Variants in RPS29 observed in about 807,000 individuals in gnomAD.
RPS29 encodes the protein ribosomal protein S29, also known as small ribosomal subunit protein uS14.
For missense variants in RPS29, 60 were observed against 75.7 expected (o/e 0.79, Z 0.77); for synonymous variants, 37 against 26.9 (o/e 1.37, Z -1.16).
downstream of RPS29, among the ~76,000 whole-genome samples, chr14:49,582,012 C>CAAAAAAA (rs58507206): frequency 2.3e-3 from 244 of 106,388 alleles, 3 homozygotes; most frequent in African/African-American, 4.6e-3. Context: ...CCCTGCCCCC[C>CAAAAAAA]AAAAAAAAAA....
downstream of RPS29, among the ~76,000 whole-genome samples, chr14:49,580,889 GA>G (rs538812182): frequency 9.4e-3 from 1,033 of 110,294 alleles, 7 homozygotes; most frequent in Middle Eastern, 0.068. Flanking sequence ...CGTCTCAAAA[GA>G]AAAAAAAAAA....
chr14:49,593,642 G>C (rs957340671), intron 1 of RPS29, among the ~76,000 whole-genome samples: 1 of 123,076 alleles, frequency 8.1e-6, no homozygotes, highest in Non-Finnish European at 1.6e-5. Flanking sequence ...GCAATGAGCC[G>C]AGATCACGGC....
rs1382277381 is a variant in RPS29, at chr14:49,586,305, G to A, written c.42C>T (p.Phe14=). 6.2e-7 allele frequency: 1 copy of A among 1,613,920 alleles called. No homozygotes were observed. Among genetic ancestry groups the A allele is most frequent in the East Asian group, 2.2e-5 (1 of 44,888 alleles). The change falls in exon 1 of 3, where the codon TTC becomes TTT. Residue 14 remains phenylalanine (F), a synonymous_variant. Coordinates refer to ENST00000245458, the MANE Select transcript of RPS29 (RefSeq NM_001032.5). ...CTCACCAAGAGCGAGAACCCTGGCC[G>A]AATTTTCGCGGGTGGCTCCAGTACA... is the stretch of plus-strand genomic sequence containing the variant. The part of the protein sequence containing the change: ...QQLYWSHPRK[F]GQGSRSCRVC...
At chr14:49,579,478 G>A (rs533125102), downstream of RPS29, among the ~76,000 whole-genome samples, 3 of 152,288 alleles carry the variant, frequency 2.0e-5, no homozygotes, top group African/African-American at 7.2e-5. Flanking sequence ...AAGGCAAGAG[G>A]ATCACTTGAG....
chr14:49,574,508 C>A (rs1289315903), exon 3 of RPS29: 1 of 152,056 alleles, frequency 6.6e-6, no homozygotes, highest in African/African-American at 2.4e-5. Flanking sequence ...GGTGGCAGAA[C>A]CACTGTAAGA....
Position 49,586,347 on chromosome 14 carries a change from C to T in RPS29, c.-1G>A, listed in dbSNP as rs767491858. The stretch of plus-strand genomic sequence containing the variant: ...TCCAGTACAGCTGCTGGTGACCCAT[C>T]TTGCTCTCAGCAGTGCAACGAGGTA... On this transcript the variant is annotated 5_prime_UTR_variant, in exon 1 of 3. Transcript: ENST00000245458. 2.5e-6 allele frequency: 4 copies of T among 1,613,820 alleles called. No individual in the cohort carries two copies. The highest frequency in any genetic ancestry group is 1.7e-5 in the Admixed American group (1 of 60,010).
chr14:49,596,432 G>T (rs191073688), intron 1 of RPS29, among the ~76,000 whole-genome samples: 1 of 152,196 alleles, frequency 6.6e-6, no homozygotes, highest in East Asian at 1.9e-4. Flanking sequence ...AAAGTTCAAA[G>T]GGCTCTTTGC....
chr14:49,587,691 C>A, upstream of RPS29, among the ~76,000 whole-genome samples: 1 of 152,184 alleles, frequency 6.6e-6, no homozygotes, highest in East Asian at 1.9e-4. Context: ...CTTCAACATA[C>A]AACGTTTGTG....
At chr14:49,584,500 C>G (rs879439990) in intron 2 of RPS29, among the ~76,000 whole-genome samples, 1 of 152,230 alleles carries the variant, frequency 6.6e-6, no homozygotes, top group Admixed American at 6.5e-5. Flanking sequence ...CGCCGTGGAT[C>G]ACGCCTGTAA....
At chr14:49,590,872 G>A (rs1881696038), upstream of RPS29, among the ~76,000 whole-genome samples, 2 of 151,948 alleles carry the variant, frequency 1.3e-5, no homozygotes, top group Admixed American at 1.3e-4. Flanking sequence ...TGTGTTTTTA[G>A]TAAAGACGGG....
chr14:49,589,212 T>G (rs1881661037), upstream of RPS29, among the ~76,000 whole-genome samples: 1 of 152,170 alleles, frequency 6.6e-6, no homozygotes, highest in Admixed American at 6.6e-5. Context: ...GGGTTTGAAA[T>G]GCTTCTTCTT....
At chr14:49,592,611 T>C (rs1409672063) in intron 1 of RPS29, among the ~76,000 whole-genome samples, 2 of 150,882 alleles carry the variant, frequency 1.3e-5, no homozygotes, top group African/African-American at 4.9e-5. Context: ...CAAAAGTCTA[T>C]GTATTAAAAT....
chr14:49,585,873 G>T, intron 2 of RPS29, 77 bp downstream of exon 2: 1 of 1,133,836 alleles, frequency 8.8e-7, no homozygotes, highest in Non-Finnish European at 1.3e-6. Context: ...AGATCTGTCC[G>T]TTTGTCTTTC....
exon 3 of RPS29, chr14:49,571,160 A>G (rs1881046575): frequency 6.6e-6 from 1 of 152,178 alleles, no homozygotes; most frequent in Admixed American, 6.6e-5. Context: ...CTTTATTTTT[A>G]AGAGTAGTTT....
At position 49,593,115 on chromosome 14, in the gene RPS29, C is replaced by G. The variant is rs536090244; in HGVS notation, c.-133+5285G>C. Among the ~76,000 whole-genome samples the G allele has an allele frequency of 2.0e-5, 3 of 152,296 alleles. No homozygotes were observed. In the South Asian group the frequency reaches 6.2e-4, roughly 32 times the overall value. Reference sequence around the variant, plus strand: ...TCCCAAATGGCTACTTATCCCAACACAAGCCGTATTAATTGCATGTAAGGC... The same window carrying G: ...TCCCAAATGGCTACTTATCCCAACAGAAGCCGTATTAATTGCATGTAAGGC... On this transcript the variant is annotated intron_variant, in intron 1 of 3. Transcript: ENST00000556230.
chr14:49,583,479 C>G (rs1881404406), downstream of RPS29: 1 of 542,290 alleles, frequency 1.8e-6, no homozygotes, highest in East Asian at 3.7e-5. Context: ...GCACTCCAGC[C>G]TGGCGACAGA....
chr14:49,586,724 C>T (rs936592395), upstream of RPS29: 13 of 243,828 alleles, frequency 5.3e-5, no homozygotes, highest in Admixed American at 3.3e-4. Context: ...GGTGACCTCC[C>T]GGGAGCGGGG....
chr14:49,585,712 T>C lies in RPS29; in HGVS notation c.162+238A>G, dbSNP rs563103810. On this transcript the variant is annotated intron_variant, in intron 2 of 2. Transcript: ENST00000245458. Reference sequence around the variant, plus strand: ...ACGGCACCTAAAACTGGCTAAGCTATCTAGGTAAAAAAGGGAGTAGGAAAG... The same window carrying C: ...ACGGCACCTAAAACTGGCTAAGCTACCTAGGTAAAAAAGGGAGTAGGAAAG... The C allele has an allele frequency of 2.0e-4, 102 of 515,542 alleles. 1 individual carries two copies. The East Asian group carries it at 3.0e-3, about 15-fold the overall frequency. The allele number at this position is 515,542 out of a possible 1,614,324, so 31.9% of individuals were successfully genotyped here. A position where few individuals can be genotyped will look rare whatever the true frequency, so the allele number is the denominator to read the frequency against.
intron 2 of RPS29, among the ~76,000 whole-genome samples, chr14:49,584,225 T>TG (rs1382434032): frequency 6.6e-6 from 1 of 152,212 alleles, no homozygotes; most frequent in Non-Finnish European, 1.5e-5. Flanking sequence ...CTGCCCATCT[T>TG]GTCGGCCTCC....
Sources: gnomAD v4.1 joint callset for allele counts (sites outside exome capture counted in the v4.1 genomes callset) on GRCh38, gnomAD v4.1.1 for gene constraint, MANE v1.5 for transcripts, NCBI Gene and HGNC (gene_info 2026-07-23, HGNC 2026-07-21) for gene names.